The following DCC variants were observed in gnomAD, a reference collection of about 807,000 sequenced individuals.
DCC encodes the protein DCC netrin 1 receptor.
Under a neutral mutation model 172.5 loss-of-function variants are expected in DCC, and 58 were observed. The ratio of observed to expected loss-of-function variants is 0.34; its 90% CI spans 0.27 to 0.42. The LOEUF (loss-of-function observed/expected upper bound fraction) is 0.42, where lower values mean the gene tolerates loss of function less well. DCC is among the 10% of genes least tolerant of loss of function. The probability of loss-of-function intolerance (pLI) is 1.00; values close to 1 mark genes in which losing one functional copy is unlikely to be tolerated. For missense variants in DCC, 1,740 were observed against 1,791.0 expected, an observed-to-expected ratio of 0.97 and a Z score of 0.51; for synonymous variants, 709 against 644.5, an observed-to-expected ratio of 1.10 and a Z score of -1.52.
chr18:53,036,672 G>A (rs1053421828), intron 5 of DCC, among the ~76,000 whole-genome samples: 1 of 152,142 alleles, frequency 6.6e-6, no homozygotes. Context: ...TAGATAGGTA[G>A]CATAGGTAGC....
At chr18:52,969,584 ACTCTCTCT>A (rs56024197) in intron 5 of DCC, among the ~76,000 whole-genome samples, 16,639 of 119,310 alleles carry the variant, frequency 0.14, 1,379 homozygotes, top group East Asian at 0.31. Flanking sequence ...CCCGCCCCCC[ACTCTCTCT>A]CTCTCTCTCT....
intron 1 of DCC, among the ~76,000 whole-genome samples, chr18:52,507,875 T>G (rs993270762): frequency 6.6e-6 from 1 of 152,082 alleles, no homozygotes; most frequent in Admixed American, 6.6e-5. Context: ...CCGAGGCAGG[T>G]GGATCACCTG....
chr18:52,917,227 G>A (rs1400816925), intron 3 of DCC, among the ~76,000 whole-genome samples: 3 of 152,058 alleles, frequency 2.0e-5, no homozygotes, highest in Non-Finnish European at 4.4e-5. Context: ...GGCTGAGGTG[G>A]AAGATGGCTT....
intron 13 of DCC, among the ~76,000 whole-genome samples, chr18:53,315,002 T>G (rs1375300506): frequency 6.6e-6 from 1 of 152,216 alleles, no homozygotes; most frequent in Non-Finnish European, 1.5e-5. Context: ...CTGGAATACA[T>G]GTGCAGGAAG....
intron 7 of DCC, among the ~76,000 whole-genome samples, chr18:53,081,593 A>G (rs1032876151): frequency 6.6e-6 from 1 of 152,084 alleles, no homozygotes; most frequent in Admixed American, 6.6e-5. Context: ...AGAACGTCAC[A>G]TGTGCCTCAT....
At chr18:52,549,350 G>A (rs1050081512) in intron 1 of DCC, among the ~76,000 whole-genome samples, 30 of 151,858 alleles carry the variant, frequency 2.0e-4, no homozygotes, top group Admixed American at 1.9e-3. Context: ...CTTCTAACCA[G>A]CTCCTTCTAT....
At chr18:53,143,812 T>C (rs2043866365) in intron 7 of DCC, among the ~76,000 whole-genome samples, 2 of 152,250 alleles carry the variant, frequency 1.3e-5, no homozygotes, top group Non-Finnish European at 2.9e-5. Flanking sequence ...TACTTATGAA[T>C]GTGTTATATA....
At chr18:53,187,374 G>A (rs1006072416) in intron 9 of DCC, among the ~76,000 whole-genome samples, 3 of 151,738 alleles carry the variant, frequency 2.0e-5, no homozygotes, top group African/African-American at 4.8e-5. Flanking sequence ...TGTCTGCCTC[G>A]GCCCCCCAAA....
chr18:53,000,692 A>G (rs2041551879), intron 5 of DCC, among the ~76,000 whole-genome samples: 1 of 150,758 alleles, frequency 6.6e-6, no homozygotes, highest in African/African-American at 2.4e-5. Flanking sequence ...TGTCACAGCC[A>G]GACAAAAGTC....
chr18:52,865,985 G>A (rs1049559898), intron 2 of DCC, among the ~76,000 whole-genome samples: 14 of 152,136 alleles, frequency 9.2e-5, no homozygotes, highest in Admixed American at 7.9e-4. Flanking sequence ...GTCCTGAATG[G>A]TATTGCCTGG....
At chr18:52,718,567 G>T (rs891733746) in intron 1 of DCC, among the ~76,000 whole-genome samples, 5 of 152,168 alleles carry the variant, frequency 3.3e-5, no homozygotes, top group African/African-American at 1.2e-4. Flanking sequence ...ATGGCACGTA[G>T]GTTGTTTTCC....
At chr18:53,513,277 C>T (rs1344977538) in intron 27 of DCC, among the ~76,000 whole-genome samples, 1 of 152,070 alleles carries the variant, frequency 6.6e-6, no homozygotes, top group African/African-American at 2.4e-5. Context: ...ATTTTTGTCA[C>T]CACCAGGCCT....
chr18:53,268,935 A>G (rs2056714816), intron 12 of DCC, among the ~76,000 whole-genome samples: 1 of 152,194 alleles, frequency 6.6e-6, no homozygotes, highest in African/African-American at 2.4e-5. Context: ...TGCTTTTTAT[A>G]GAGTGTAGTC....
At chr18:52,432,172 G>A (rs1831722433) in intron 1 of DCC, among the ~76,000 whole-genome samples, 1 of 151,898 alleles carries the variant, frequency 6.6e-6, no homozygotes, top group Non-Finnish European at 1.5e-5. Context: ...GGGTTTCATT[G>A]ACCACTGCTT....
At chr18:53,464,258 T>C (rs2045592392) in intron 24 of DCC, among the ~76,000 whole-genome samples, 1 of 152,204 alleles carries the variant, frequency 6.6e-6, no homozygotes, top group South Asian at 2.1e-4. Context: ...TTATGTTACT[T>C]AGCTTCACTT....
intron 2 of DCC, among the ~76,000 whole-genome samples, chr18:52,801,173 C>A (rs2037978229): frequency 6.6e-6 from 1 of 152,106 alleles, no homozygotes; most frequent in African/African-American, 2.4e-5. Flanking sequence ...TCAGCTGAGG[C>A]TTAAGAATTA....
At position 52,562,467 on chromosome 18, in the gene DCC, G is replaced by A. The variant is rs893703848; in HGVS notation, c.92-189587G>A. The stretch of plus-strand genomic sequence containing the variant: ...CAAACCACTGTTCTTACTTTATTTA[G>A]CCACATAGAGTTTGTTTAATATTTA... On this transcript the variant is annotated intron_variant, in intron 1 of 28. Transcript: ENST00000442544. Among the ~76,000 whole-genome samples the A allele has an allele frequency of 1.2e-4, 19 of 152,182 alleles. No individual in the cohort carries two copies. The South Asian group carries it at 1.9e-3, about 15-fold the overall frequency.
intron 15 of DCC, among the ~76,000 whole-genome samples, chr18:53,377,689 T>C (rs1266099250): frequency 6.6e-6 from 1 of 152,110 alleles, no homozygotes; most frequent in African/African-American, 2.4e-5. Context: ...GAGAAATAAA[T>C]GAAGTAAGGG....
chr18:52,554,075 A>G (rs527524393), intron 1 of DCC, among the ~76,000 whole-genome samples: 1 of 152,186 alleles, frequency 6.6e-6, no homozygotes, highest in African/African-American at 2.4e-5. Context: ...TAGGTCAAAG[A>G]TGGTTGTATT....
Sources: allele counts gnomAD v4.1 joint callset (sites outside exome capture counted in the v4.1 genomes callset), GRCh38; gene constraint gnomAD v4.1.1; transcripts MANE v1.5; gene names NCBI Gene and HGNC (gene_info 2026-07-23, HGNC 2026-07-21).